Variants in POTEF observed in about 807,000 individuals in gnomAD.
The protein encoded by POTEF is POTE ankyrin domain family member F.
POTEF carries 20 observed loss-of-function variants against 83.2 expected under a neutral mutation model. That is an observed-to-expected ratio of 0.24 (90% CI 0.17 to 0.35). The LOEUF (loss-of-function observed/expected upper bound fraction) is 0.35. Among genes scored for constraint, POTEF ranks in the 10% least tolerant of loss-of-function variants. POTEF has a pLI of 1.00. For missense variants in POTEF, 550 were observed against 1,203.2 expected (o/e 0.46, Z 8.03); for synonymous variants, 196 against 446.4 (o/e 0.44, Z 7.07).
chr2:130,127,505 G>A (rs999269100), intron 2 of POTEF, among the ~76,000 whole-genome samples: 7 of 150,708 alleles, frequency 4.6e-5, no homozygotes, highest in Non-Finnish European at 7.4e-5. Flanking sequence ...CACTGCCACC[G>A]AGGCCCATGG....
At chr2:130,108,947 C>T (rs1684625381) in intron 7 of POTEF, among the ~76,000 whole-genome samples, 1 of 151,044 alleles carries the variant, frequency 6.6e-6, no homozygotes, top group African/African-American at 2.5e-5. Flanking sequence ...GACCAAAAGT[C>T]TACTTTTATT....
intron 5 of POTEF, among the ~76,000 whole-genome samples, chr2:130,113,499 A>C (rs1170055683): frequency 2.6e-5 from 3 of 117,580 alleles, no homozygotes; most frequent in Non-Finnish European, 3.6e-5. Context: ...GAGTGTATCC[A>C]GATTTTGAGA....
Position 130,120,135 on chromosome 2 carries a change from G to A in POTEF, c.381C>T (p.Ala127=). The A allele has an allele frequency of 1.2e-6, 2 of 1,609,464 alleles. No individual in the cohort carries two copies. Among genetic ancestry groups the A allele is most frequent in the Non-Finnish European group, 1.7e-6 (2 of 1,179,530 alleles). ...VGAWGDYDDS[A]FMEPRYHVRG... is the part of the protein sequence containing the mutation. ...GGACGTGGTACCTGGGCTCCATGAAGGCACTGTCATCGTAGTCTCCCCAAG... is the reference window on the plus strand; with the variant it reads ...GGACGTGGTACCTGGGCTCCATGAAAGCACTGTCATCGTAGTCTCCCCAAG... Residue 127 remains alanine, a synonymous_variant, in exon 3 of 17, where the codon GCC becomes GCT. Transcript: ENST00000409914.
intron 5 of POTEF, among the ~76,000 whole-genome samples, chr2:130,112,879 T>C (rs1684748341): frequency 6.6e-6 from 1 of 151,852 alleles, no homozygotes; most frequent in African/African-American, 2.4e-5. Context: ...TCTTAACGAC[T>C]TACTGACCTA....
chr2:130,122,806 A>G (rs1310162134), intron 2 of POTEF, among the ~76,000 whole-genome samples: 1 of 151,630 alleles, frequency 6.6e-6, no homozygotes, highest in Non-Finnish European at 1.5e-5. Flanking sequence ...TTGCTATTAT[A>G]AATGGAATTA....
intron 12 of POTEF, among the ~76,000 whole-genome samples, chr2:130,090,703 T>G (rs570661152): frequency 7.0e-6 from 1 of 143,734 alleles, no homozygotes. Context: ...TGTTATTTCT[T>G]ACAGGAAAAA....
At position 130,075,529 on chromosome 2, in the gene POTEF, T is replaced by C; in HGVS notation, c.1943A>G (p.Asn648Ser). The C allele has an allele frequency of 6.2e-7, 1 of 1,611,052 alleles. No homozygotes were observed. The highest frequency in any genetic ancestry group is 2.2e-5 in the East Asian group (1 of 44,858). ...GGCAATTTCTTCCCGCAACGTACTA[T>C]TTTCATGCAAGATGTCTTTTTCTTT... ...CKKEKDILHE[N>S]STLREEIAML... Residue 648 changes from asparagine (N) to serine (S), a missense_variant, in exon 17 of 17, where the codon AAT becomes AGT. By Grantham distance (46) the Asn-to-Ser change is conservative. Transcript: ENST00000409914.
chr2:130,117,594 A>G (rs926959139), intron 3 of POTEF, among the ~76,000 whole-genome samples: 10 of 152,010 alleles, frequency 6.6e-5, no homozygotes, highest in Non-Finnish European at 4.4e-5. Flanking sequence ...AGCAAAGTAC[A>G]TCTTTGCATG....
At chr2:130,107,554 T>A (rs1684575737) in intron 8 of POTEF, 1 of 198,364 alleles carries the variant, frequency 5.0e-6, no homozygotes, top group Admixed American at 5.3e-5. Flanking sequence ...CAGGGAAGCT[T>A]CATCTGTATT....
intron 2 of POTEF, 118 bp from the exon 3 acceptor site, chr2:130,120,726 C>T (rs1285851167): frequency 1.5e-5 from 14 of 915,966 alleles, no homozygotes; most frequent in Non-Finnish European, 2.3e-5. Flanking sequence ...CCACGCCCCC[C>T]CTGGGCGACC....
At chr2:130,107,897 C>G in intron 8 of POTEF, 112 bp downstream of exon 8, 3 of 1,073,418 alleles carry the variant, frequency 2.8e-6, no homozygotes, top group Non-Finnish European at 4.0e-6. Context: ...AATCCTGAAA[C>G]CATCCCCACC....
At chr2:130,123,616 ATATT>A (rs769007291) in intron 2 of POTEF, among the ~76,000 whole-genome samples, 78 of 151,998 alleles carry the variant, frequency 5.1e-4, no homozygotes, top group African/African-American at 1.5e-3. Flanking sequence ...TCTCATAATT[ATATT>A]TATTTACATA....
At chr2:130,117,370 A>C (rs1316361473) in intron 3 of POTEF, among the ~76,000 whole-genome samples, 1 of 151,946 alleles carries the variant, frequency 6.6e-6, no homozygotes, top group Admixed American at 6.6e-5. Context: ...TGCAAGAAGC[A>C]TATTCCTTCT....
intron 9 of POTEF, 30 bp downstream of exon 9, chr2:130,102,080 T>A (rs1196726325): frequency 6.2e-7 from 1 of 1,606,588 alleles, no homozygotes; most frequent in Non-Finnish European, 8.5e-7. Context: ...CAACATTAAA[T>A]CAAAAATTTA....
chr2:130,126,712 T>C (rs1159991906), intron 2 of POTEF, among the ~76,000 whole-genome samples: 2 of 151,956 alleles, frequency 1.3e-5, no homozygotes, highest in African/African-American at 2.4e-5. Context: ...ATACAACTGA[T>C]TTTTTTCCTC....
intron 5 of POTEF, among the ~76,000 whole-genome samples, chr2:130,113,204 A>G (rs1237318861): frequency 8.5e-6 from 1 of 118,250 alleles, no homozygotes; most frequent in East Asian, 2.6e-4. Context: ...AAACATGGCA[A>G]AAACCTCATC....
rs2104768155 is a variant in POTEF, at chr2:130,073,935, T to C, written c.*309A>G. On this transcript the variant is annotated 3_prime_UTR_variant, in exon 17 of 17. Transcript: ENST00000409914. ...CTGGGCCATTCTCCTTAGAGAGAAG[T>C]GGGGTGGCTTTTAGCAGGGCAAGGG... The C allele has an allele frequency of 5.6e-6, 3 of 533,830 alleles. No individual in the cohort carries two copies. The highest frequency in any genetic ancestry group is 1.0e-5 in the Non-Finnish European group (3 of 298,324). 33.1% of individuals were successfully genotyped at this position (533,830 alleles called of 1,614,324 possible).
At chr2:130,117,633 CTCAATAGTTACATAT>C (rs1684875512) in intron 3 of POTEF, among the ~76,000 whole-genome samples, 1 of 151,892 alleles carries the variant, frequency 6.6e-6, no homozygotes, top group Non-Finnish European at 1.5e-5. Context: ...TACTGACAAC[CTCAATAGTTACATAT>C]TAGTCCATCC....
At chr2:130,111,225 A>G (rs1684702191) in intron 6 of POTEF, among the ~76,000 whole-genome samples, 1 of 150,830 alleles carries the variant, frequency 6.6e-6, no homozygotes, top group Non-Finnish European at 1.5e-5. Flanking sequence ...CTTTTCATAT[A>G]TGACAACATA....
Sources: gnomAD v4.1 joint callset for allele counts (sites outside exome capture counted in the v4.1 genomes callset) on GRCh38, gnomAD v4.1.1 for gene constraint, MANE v1.5 for transcripts, NCBI Gene and HGNC (gene_info 2026-07-23, HGNC 2026-07-21) for gene names.